The following DNAH10 variants were observed in gnomAD, a reference collection of about 807,000 sequenced individuals.
DNAH10 encodes axonemal beta dynein heavy chain 10.
A neutral mutation model predicts 506.6 loss-of-function variants in DNAH10; 348 were observed. The observed-to-expected ratio is 0.69, with a 90% CI of 0.63 to 0.75. The LOEUF (loss-of-function observed/expected upper bound fraction) is 0.75, where lower values mean the gene tolerates loss of function less well. Among genes scored for constraint, DNAH10 ranks in the 30% least tolerant of loss-of-function variants. The pLI is 0.00. For synonymous variants in DNAH10, 2,059 were observed against 2,198.6 expected, an observed-to-expected ratio of 0.94 and a Z score of 1.78; for missense variants, 5,179 against 5,787.1, an observed-to-expected ratio of 0.89 and a Z score of 3.41.
intron 39 of DNAH10, 114 bp from the exon 40 acceptor site, chr12:123,864,481 A>G (rs1347200430): frequency 1.7e-5 from 24 of 1,419,658 alleles, no homozygotes; most frequent in Non-Finnish European, 2.3e-5. Context: ...TGTCTCAGAT[A>G]CTGGGTAGAA....
At chr12:123,874,957 C>T (rs1952193099) in intron 46 of DNAH10, among the ~76,000 whole-genome samples, 1 of 152,236 alleles carries the variant, frequency 6.6e-6, no homozygotes, top group Admixed American at 6.5e-5. Flanking sequence ...TATATTTATT[C>T]AGCTCTTCCT....
intron 48 of DNAH10, among the ~76,000 whole-genome samples, chr12:123,878,256 ATG>A (rs1267594315): frequency 1.3e-5 from 2 of 152,098 alleles, no homozygotes; most frequent in Non-Finnish European, 2.9e-5. Flanking sequence ...TGGTTATAGG[ATG>A]TGTGTCTTTA....
At chr12:123,854,069 GTTT>G (rs10648649) in intron 36 of DNAH10, among the ~76,000 whole-genome samples, 3 of 117,034 alleles carry the variant, frequency 2.6e-5, no homozygotes, top group African/African-American at 9.8e-5. Context: ...ACACATTTGG[GTTT>G]TTTTTTTTTT....
At chr12:123,900,531 C>T (rs1189331085) in intron 56 of DNAH10, among the ~76,000 whole-genome samples, 1 of 152,222 alleles carries the variant, frequency 6.6e-6, no homozygotes, top group Non-Finnish European at 1.5e-5. Context: ...CCTCTCCTAC[C>T]TGTGCTTGTT....
chr12:123,856,150 A>G (rs1223610351), intron 36 of DNAH10, among the ~76,000 whole-genome samples: 1 of 147,260 alleles, frequency 6.8e-6, no homozygotes, highest in Non-Finnish European at 1.5e-5. Flanking sequence ...ATAATTTATA[A>G]ATAATACAAA....
chr12:123,811,122 C>T (rs1289846547), intron 19 of DNAH10, among the ~76,000 whole-genome samples: 1 of 152,132 alleles, frequency 6.6e-6, no homozygotes, highest in Non-Finnish European at 1.5e-5. Context: ...CTTCAGGATT[C>T]CTATTTCGTG....
Position 123,926,958 on chromosome 12 carries a change from T to A in DNAH10, c.12105+138T>A, listed in dbSNP as rs1367799704. 1 of 879,432 alleles carries A rather than the reference T, an allele frequency of 1.1e-6. No homozygotes were observed. Among genetic ancestry groups the A allele is most frequent in the Non-Finnish European group, 1.7e-6 (1 of 579,872 alleles). The allele number at this position is 879,432 out of a possible 1,614,324, so 54.5% of individuals were successfully genotyped here. ...GCATTTCCGAGCTAAGAAGCAGTAA[T>A]GAAACACTGGGAAGATGACAATAAT... On this transcript the variant is annotated intron_variant, in intron 69 of 78. Transcript: ENST00000673944. This position sits in a 1 kb window ranked among gnomAD's most constrained non-coding sequence, Gnocchi z 4.1.
intron 25 of DNAH10, among the ~76,000 whole-genome samples, chr12:123,829,291 C>T (rs1960291643): frequency 6.6e-6 from 1 of 152,106 alleles, no homozygotes; most frequent in East Asian, 1.9e-4. Context: ...AAAGTGGGGG[C>T]ATCGGCATGG....
chr12:123,908,140 T>TGTCTCCTCCCTGTCTCC (rs1566083021), intron 57 of DNAH10, among the ~76,000 whole-genome samples: 1 of 106,070 alleles, frequency 9.4e-6, no homozygotes, highest in African/African-American at 4.3e-5. Context: ...TCCCTGTCTC[T>TGTCTCCTCCCTGTCTCC]CTGTCTCCTC....
rs1955030006 is a variant in DNAH10, at chr12:123,928,176, G to C, written c.12106-211G>C. The C allele has an allele frequency of 1.6e-6, 1 of 612,554 alleles. No homozygotes were observed. The highest frequency in any genetic ancestry group is 1.8e-5 in the African/African-American group (1 of 54,088). 37.9% of individuals were successfully genotyped at this position (612,554 alleles called of 1,614,324 possible). ...AATGCTCACCCATCTTCCAGGCTGG[G>C]TGTGACCAGCTCAGTGCACCCACGG... On this transcript the variant is annotated intron_variant, in intron 69 of 78. Transcript: ENST00000673944. This position sits in a 1 kb window ranked among gnomAD's most constrained non-coding sequence, Gnocchi z 4.9.
chr12:123,899,306 C>T (rs987584260), intron 56 of DNAH10, among the ~76,000 whole-genome samples: 6 of 152,186 alleles, frequency 3.9e-5, no homozygotes, highest in Non-Finnish European at 2.9e-5. Flanking sequence ...ATGCCTGGCA[C>T]AGGACGGCTC....
At chr12:123,868,863 G>A (rs929834071) in intron 43 of DNAH10, among the ~76,000 whole-genome samples, 14 of 152,350 alleles carry the variant, frequency 9.2e-5, no homozygotes, top group African/African-American at 3.1e-4. Context: ...GCTTTATTCG[G>A]TGGGAGTCTG....
At chr12:123,859,952 C>T (rs1319717797) in intron 38 of DNAH10, among the ~76,000 whole-genome samples, 1 of 151,866 alleles carries the variant, frequency 6.6e-6, no homozygotes, top group East Asian at 1.9e-4. Context: ...ATTGCTTGAG[C>T]CCAAGAATTT....
At position 123,877,876 on chromosome 12, in the gene DNAH10, T is replaced by G; in HGVS notation, c.8340T>G (p.Val2780=). 1 of 1,613,984 alleles carries G rather than the reference T, an allele frequency of 6.2e-7. No individual in the cohort carries two copies. Among genetic ancestry groups the G allele is most frequent in the Non-Finnish European group, 8.5e-7 (1 of 1,179,886 alleles). The change falls in exon 48 of 79, where the codon GTT becomes GTG. Residue 2780 remains valine (V), a synonymous_variant. Transcript: ENST00000673944. ...TCAACCTTCGAGATCTCTCACGGGT[T>G]TTTAATGGTCTTGTCCTCACTAACC... ...YIFNLRDLSR[V]FNGLVLTNPE...
chr12:123,904,584 GCATTGCAGA>G (rs1331364951), intron 57 of DNAH10, among the ~76,000 whole-genome samples: 1 of 152,170 alleles, frequency 6.6e-6, no homozygotes, highest in Non-Finnish European at 1.5e-5. Flanking sequence ...AGTGAGACAG[GCATTGCAGA>G]CAGGTGCCCC....
intron 36 of DNAH10, 92 bp from the exon 37 acceptor site, chr12:123,856,964 T>C: frequency 1.2e-6 from 1 of 836,406 alleles, no homozygotes; most frequent in Non-Finnish European, 1.7e-6. Context: ...ATTTTATATT[T>C]CATAAGAGTG....
chr12:123,891,291 G>A (rs1952971513), intron 52 of DNAH10, among the ~76,000 whole-genome samples: 1 of 152,114 alleles, frequency 6.6e-6, no homozygotes, highest in Non-Finnish European at 1.5e-5. Context: ...CCATCTCAAT[G>A]ACCTCATTTC....
rs1954844826 is a variant in DNAH10, at chr12:123,924,293, A to C, written c.11627A>C (p.Glu3876Ala). 9.3e-6 allele frequency: 15 copies of C among 1,609,876 alleles called. No individual in the cohort carries two copies. The highest frequency in any genetic ancestry group is 1.1e-5 in the Non-Finnish European group (13 of 1,177,130). ...TTGTGATTAGGAAACATTTCCCTGG[A>C]GAAAAGCAAAAGAAAAAAGCCCTGC... is the stretch of plus-strand genomic sequence containing the variant. ...DFFLKGNISL[E>A]KSKRKKPCAW... is the part of the protein sequence containing the mutation. Residue 3876 changes from glutamate to alanine, a missense_variant, in exon 67 of 79, where the codon GAG becomes GCG. Coordinates refer to ENST00000673944, the MANE Select transcript of DNAH10 (RefSeq NM_001372106.1).
rs759047778 is a variant in DNAH10, at chr12:123,774,132, C to T, written c.506-17C>T. ...TCTCTCCCACTGACCTTACATTCTACACCTGTTCTTCTTTAGAGGCAATCT... is the reference window on the plus strand; with the variant it reads ...TCTCTCCCACTGACCTTACATTCTATACCTGTTCTTCTTTAGAGGCAATCT... On this transcript the variant is annotated splice_polypyrimidine_tract_variant and intron_variant, in intron 4 of 78. Coordinates refer to ENST00000673944, the MANE Select transcript of DNAH10 (RefSeq NM_001372106.1). 3.8e-6 allele frequency: 6 copies of T among 1,561,200 alleles called. No individual in the cohort carries two copies. The Admixed American group carries it at 9.3e-5, about 24-fold the overall frequency.
Sources: gnomAD v4.1 joint callset for allele counts (sites outside exome capture counted in the v4.1 genomes callset) on GRCh38, gnomAD v4.1.1 for gene constraint, Gnocchi (gnomAD v3.1) non-coding constraint, MANE v1.5 for transcripts, NCBI Gene and HGNC (gene_info 2026-07-23, HGNC 2026-07-21) for gene names.